C9orf153: variants seen among roughly 807,000 people sequenced by gnomAD.
C9orf153 encodes uncharacterized protein C9orf153.
C9orf153 carries 10 observed loss-of-function variants against 9.0 expected under a neutral mutation model. The observed-to-expected ratio is 1.11, with a 90% CI of 0.69 to 1.89. The LOEUF is 1.89. Ranked by LOEUF, C9orf153 falls within the 40% of genes most tolerant of loss-of-function variation. The pLI, the probability that C9orf153 is intolerant of heterozygous loss-of-function variation, is 0.00. For synonymous variants in C9orf153, 35 were observed against 37.3 expected (o/e 0.94, Z 0.23); for missense variants, 108 against 111.0 (o/e 0.97, Z 0.12).
At chr9:86,237,358 C>T (rs992034646) in intron 1 of C9orf153, among the ~76,000 whole-genome samples, 1 of 152,106 alleles carries the variant, frequency 6.6e-6, no homozygotes, top group African/African-American at 2.4e-5. Context: ...CTTTTAATGT[C>T]AATGGTCTAA....
At chr9:86,247,370 C>T (rs1824891906) in intron 1 of C9orf153, among the ~76,000 whole-genome samples, 1 of 151,994 alleles carries the variant, frequency 6.6e-6, no homozygotes, top group African/African-American at 2.4e-5. Flanking sequence ...ATTTTGTTTT[C>T]ATTCACTTAG....
intron 3 of C9orf153, chr9:86,227,600 G>A (rs1563997385): frequency 5.1e-6 from 5 of 985,238 alleles, no homozygotes; most frequent in South Asian, 4.7e-5. Context: ...CTTTTCTGGG[G>A]TGGCACTGGA....
At chr9:86,253,979 T>G (rs1825050999) in intron 1 of C9orf153, among the ~76,000 whole-genome samples, 2 of 151,246 alleles carry the variant, frequency 1.3e-5, no homozygotes, top group African/African-American at 2.4e-5. Flanking sequence ...CAGTCCCAGC[T>G]ACTCGGGAGG....
At chr9:86,258,842 T>G (rs925087161) in intron 1 of C9orf153, among the ~76,000 whole-genome samples, 1 of 151,400 alleles carries the variant, frequency 6.6e-6, no homozygotes, top group African/African-American at 2.4e-5. Flanking sequence ...GCTTTCCCCT[T>G]TTTTTTTTAC....
intron 1 of C9orf153, among the ~76,000 whole-genome samples, chr9:86,236,608 T>G (rs1032053115): frequency 1.6e-4 from 24 of 150,458 alleles, no homozygotes; most frequent in African/African-American, 5.1e-4. Context: ...AAACAAACAT[T>G]TAAGGAATGT....
chr9:86,236,110 A>T (rs1226296278), intron 1 of C9orf153, among the ~76,000 whole-genome samples: 1 of 152,194 alleles, frequency 6.6e-6, no homozygotes, highest in East Asian at 1.9e-4. Flanking sequence ...ATTATTTGCT[A>T]TAAATAGCAA....
chr9:86,246,494 G>A (rs1824865954), intron 1 of C9orf153, among the ~76,000 whole-genome samples: 2 of 152,076 alleles, frequency 1.3e-5, no homozygotes, highest in Admixed American at 1.3e-4. Context: ...TGATTACTTG[G>A]TGAAGACCCT....
rs1824907907 is a variant in C9orf153, at chr9:86,248,055, T to C, written c.-27+11495A>G. Among the ~76,000 whole-genome samples, 3 of 152,218 alleles carry C rather than the reference T, an allele frequency of 2.0e-5. No individual in the cohort carries two copies. The South Asian group carries it at 6.2e-4, about 32-fold the overall frequency. ...TATGTTTAGGTTTTTCCTGAGCTGG[T>C]AGGATTCTCCAGAGATTTCCATTTG... On this transcript the variant is annotated intron_variant, in intron 1 of 3. Coordinates refer to ENST00000339137, the MANE Select transcript of C9orf153 (RefSeq NM_001276366.4).
At chr9:86,241,819 C>CTATG (rs1380251211) in intron 1 of C9orf153, among the ~76,000 whole-genome samples, 1 of 152,044 alleles carries the variant, frequency 6.6e-6, no homozygotes, top group Non-Finnish European at 1.5e-5. Flanking sequence ...AGAGACAGGA[C>CTATG]TTCACCATGT....
At chr9:86,243,545 A>G (rs757487604) in intron 1 of C9orf153, among the ~76,000 whole-genome samples, 1 of 149,810 alleles carries the variant, frequency 6.7e-6, no homozygotes, top group Non-Finnish European at 1.5e-5. Context: ...GGCTCACCGC[A>G]ACCTCTGCCT....
intron 1 of C9orf153, among the ~76,000 whole-genome samples, chr9:86,251,170 T>C (rs1824985585): frequency 6.6e-6 from 1 of 152,228 alleles, no homozygotes; most frequent in African/African-American, 2.4e-5. Flanking sequence ...AAATAATGGA[T>C]ATTCATTAAC....
rs544783886 is a variant in C9orf153, at chr9:86,258,027, T to C, written c.-27+1523A>G. On this transcript the variant is annotated intron_variant, in intron 1 of 3. Coordinates refer to ENST00000339137, the MANE Select transcript of C9orf153 (RefSeq NM_001276366.4). ...GGTTTTATAGCTGTGCACATTCAAC[T>C]ATTAAGGACAACCTTTATTACTAAA... Among the ~76,000 whole-genome samples, 43 of 152,302 alleles carry C rather than the reference T, an allele frequency of 2.8e-4. 1 individual carries two copies. In the South Asian group the frequency reaches 8.1e-3, roughly 29 times the overall value.
chr9:86,235,741 CA>C (rs60165641), intron 1 of C9orf153, among the ~76,000 whole-genome samples: 2,304 of 21,628 alleles, frequency 0.11, 2 homozygotes, highest in South Asian at 0.25. Context: ...GACTCCATCT[CA>C]AAAAAAAAAA....
At chr9:86,240,967 G>T (rs1472020413) in intron 1 of C9orf153, among the ~76,000 whole-genome samples, 2 of 151,860 alleles carry the variant, frequency 1.3e-5, no homozygotes, top group African/African-American at 4.8e-5. Flanking sequence ...TCCGCCTCCC[G>T]AAGTGCTGGG....
chr9:86,251,011 G>A (rs774310311), intron 1 of C9orf153, among the ~76,000 whole-genome samples: 9 of 152,094 alleles, frequency 5.9e-5, no homozygotes, highest in African/African-American at 1.4e-4. Context: ...CTCCTGCCTC[G>A]CCCTACCAAA....
chr9:86,244,973 C>A (rs1824835034), intron 1 of C9orf153, among the ~76,000 whole-genome samples: 1 of 152,220 alleles, frequency 6.6e-6, no homozygotes, highest in Admixed American at 6.5e-5. Flanking sequence ...GTCGCCCAGG[C>A]TGGAGTGCAA....
chr9:86,252,583 GA>G (rs1399263359), intron 1 of C9orf153, among the ~76,000 whole-genome samples: 1 of 152,110 alleles, frequency 6.6e-6, no homozygotes, highest in Non-Finnish European at 1.5e-5. Context: ...GGGGCCCCTG[GA>G]AGTCCAGGAT....
intron 3 of C9orf153, among the ~76,000 whole-genome samples, chr9:86,223,190 G>A (rs1824244474): frequency 6.6e-6 from 1 of 152,150 alleles, no homozygotes; most frequent in South Asian, 2.1e-4. Flanking sequence ...GTTTAGAGCT[G>A]ATGATTTTGA....
chr9:86,239,238 C>A (rs912930180), intron 1 of C9orf153, among the ~76,000 whole-genome samples: 2 of 149,130 alleles, frequency 1.3e-5, no homozygotes, highest in Non-Finnish European at 1.5e-5. Flanking sequence ...TCCAGCCTGG[C>A]GACAGAGTGA....
Sources: gnomAD v4.1 joint callset for allele counts (sites outside exome capture counted in the v4.1 genomes callset) on GRCh38, gnomAD v4.1.1 for gene constraint, MANE v1.5 for transcripts, NCBI Gene and HGNC (gene_info 2026-07-23, HGNC 2026-07-21) for gene names.